Variants in FANCI observed in about 807,000 individuals in gnomAD.
FANCI encodes the protein FA complementation group I, also known as Fanconi anemia group I protein.
FANCI carries 156 observed loss-of-function variants against 176.1 expected under a neutral mutation model. The observed-to-expected ratio is 0.89, with a 90% CI of 0.78 to 1.01. FANCI has a LOEUF of 1.01. Among genes scored for constraint, FANCI ranks in the 50% least tolerant of loss-of-function variants. FANCI has a pLI of 0.00. For missense variants in FANCI, 1,678 were observed against 1,534.1 expected, an observed-to-expected ratio of 1.09 and a Z score of -1.57; for synonymous variants, 613 against 541.7, an observed-to-expected ratio of 1.13 and a Z score of -1.83.
intron 24 of FANCI, among the ~76,000 whole-genome samples, chr15:89,297,657 A>G (rs1054241205): frequency 6.6e-6 from 1 of 151,706 alleles, no homozygotes; most frequent in Non-Finnish European, 1.5e-5. Context: ...AGGCTGAGGC[A>G]GGAGAATCAG....
chr15:89,252,729 A>G (rs559957809), intron 2 of FANCI, among the ~76,000 whole-genome samples: 5 of 152,282 alleles, frequency 3.3e-5, no homozygotes, highest in African/African-American at 1.2e-4. Context: ...CCCATTTACA[A>G]TAGCAACAGA....
intron 13 of FANCI, 140 bp downstream of exon 13, chr15:89,277,031 T>C (rs1228116218): frequency 2.4e-6 from 2 of 839,154 alleles, no homozygotes; most frequent in African/African-American, 1.7e-5. Flanking sequence ...GAGATTAGGA[T>C]AATATTGAAA....
At chr15:89,286,627 G>C (rs2053827393) in intron 18 of FANCI, among the ~76,000 whole-genome samples, 1 of 152,110 alleles carries the variant, frequency 6.6e-6, no homozygotes, top group African/African-American at 2.4e-5. Context: ...AAACAGATGT[G>C]TTATCATGCA....
intron 12 of FANCI, among the ~76,000 whole-genome samples, chr15:89,275,312 A>C (rs1474235393): frequency 6.6e-6 from 1 of 152,104 alleles, no homozygotes; most frequent in East Asian, 1.9e-4. Context: ...GTTGGAATTC[A>C]ATTATTGATT....
rs533920985 is a variant in FANCI, at chr15:89,283,828, C to T, written c.1698+578C>T. 1.4e-3 allele frequency among the ~76,000 whole-genome samples: 215 copies of T among 151,728 alleles called. 1 individual carries two copies. Among genetic ancestry groups the T allele is most frequent in the African/African-American group, 4.6e-3 (192 of 41,348 alleles). On this transcript the variant is annotated intron_variant, in intron 17 of 37. Coordinates refer to ENST00000310775, the MANE Select transcript of FANCI (RefSeq NM_001113378.2). ...AGTGCAGTGGCGCGATCTCGGCTCA[C>T]TGCAACTCACTGCAAGCTCTGCCTC...
At chr15:89,247,844 T>C (rs541326453) in intron 2 of FANCI, 113 bp downstream of exon 2, 2 of 793,360 alleles carry the variant, frequency 2.5e-6, no homozygotes, top group South Asian at 3.0e-5. Context: ...CCCCATTCAC[T>C]GTAGGAGACA....
At chr15:89,314,167 G>T (rs1040975254) in intron 35 of FANCI, among the ~76,000 whole-genome samples, 1 of 134,866 alleles carries the variant, frequency 7.4e-6, no homozygotes, top group African/African-American at 3.1e-5. Flanking sequence ...AGGACCTTTC[G>T]TTAGGGGGAA....
chr15:89,249,247 G>A (rs771968803), intron 2 of FANCI, among the ~76,000 whole-genome samples: 1 of 152,178 alleles, frequency 6.6e-6, no homozygotes, highest in Non-Finnish European at 1.5e-5. Flanking sequence ...AAGAAGTCCT[G>A]TGGCAAGAAA....
chr15:89,253,920 T>C (rs975321364), intron 2 of FANCI, among the ~76,000 whole-genome samples: 3 of 151,348 alleles, frequency 2.0e-5, no homozygotes, highest in South Asian at 2.1e-4. Flanking sequence ...AAAAATAAAA[T>C]AAAAGATAGT....
intron 7 of FANCI, among the ~76,000 whole-genome samples, 178 bp downstream of exon 7, chr15:89,263,638 C>G (rs917907289): frequency 1.3e-5 from 2 of 152,138 alleles, no homozygotes; most frequent in African/African-American, 4.8e-5. Context: ...TTTGGCTTTA[C>G]TTACTTATTT....
rs774699547 is a variant in FANCI, at chr15:89,307,487, G to C, written c.3549G>C (p.Val1183=). The change falls in exon 33 of 38, where the codon GTG becomes GTC. Residue 1183 remains valine, a synonymous_variant. Coordinates refer to ENST00000310775, the MANE Select transcript of FANCI (RefSeq NM_001113378.2). ...LTALVRYYLQ[V]CQSSGGIPKN... ...TCTTTTTTTATTAGTATCTCCAGGT[G>C]TGTCAGAGCTCCGGAGGAATTCCAA... The C allele has an allele frequency of 3.7e-6, 6 of 1,614,006 alleles. No individual in the cohort carries two copies. Among genetic ancestry groups the C allele is most frequent in the Admixed American group, 3.3e-5 (2 of 60,004 alleles).
chr15:89,271,882 GT>G (rs1410691804), intron 10 of FANCI, among the ~76,000 whole-genome samples: 5 of 152,170 alleles, frequency 3.3e-5, no homozygotes, highest in Non-Finnish European at 7.3e-5. Context: ...TGTTTCTACT[GT>G]TTGGCTATTA....
At chr15:89,298,158 T>G (rs2054383069) in intron 24 of FANCI, among the ~76,000 whole-genome samples, 1 of 152,098 alleles carries the variant, frequency 6.6e-6, no homozygotes, top group African/African-American at 2.4e-5. Flanking sequence ...GTCACCCAGC[T>G]TGATTTAATT....
chr15:89,312,497 C>T (rs1435915538), intron 34 of FANCI, among the ~76,000 whole-genome samples: 1 of 152,230 alleles, frequency 6.6e-6, no homozygotes, highest in Non-Finnish European at 1.5e-5. Context: ...ACTTGGTCCT[C>T]ATACCCTGTG....
intron 2 of FANCI, among the ~76,000 whole-genome samples, chr15:89,253,257 A>T (rs140967339): frequency 1.3e-5 from 2 of 152,344 alleles, no homozygotes; most frequent in East Asian, 3.9e-4. Context: ...GAACAACTGG[A>T]TGGACATTTG....
At chr15:89,292,279 G>A (rs939921439) in intron 20 of FANCI, among the ~76,000 whole-genome samples, 3 of 152,200 alleles carry the variant, frequency 2.0e-5, no homozygotes, top group African/African-American at 7.2e-5. Flanking sequence ...TGTGCCTTCT[G>A]TGACATGAGA....
At chr15:89,295,888 T>A (rs10220817) in intron 24 of FANCI, among the ~76,000 whole-genome samples, 4,979 of 151,996 alleles carry the variant, frequency 0.033, 281 homozygotes, top group African/African-American at 0.11. Context: ...GTCCTTCCAC[T>A]GCAGCTTTCT....
chr15:89,302,061 C>T (rs913269342), intron 27 of FANCI, among the ~76,000 whole-genome samples: 24 of 152,158 alleles, frequency 1.6e-4, no homozygotes, highest in African/African-American at 5.6e-4. Flanking sequence ...GGGTCTGTAC[C>T]ATTCAGGAGT....
intron 10 of FANCI, among the ~76,000 whole-genome samples, chr15:89,271,387 A>G (rs61303648): frequency 0.031 from 4,657 of 152,306 alleles, 246 homozygotes; most frequent in African/African-American, 0.1. Context: ...GATATTTTGT[A>G]TAAATGGAAT....
Sources: allele counts gnomAD v4.1 joint callset (sites outside exome capture counted in the v4.1 genomes callset), GRCh38; gene constraint gnomAD v4.1.1; transcripts MANE v1.5; gene names NCBI Gene and HGNC (gene_info 2026-07-23, HGNC 2026-07-21).